Variants in STAU2 observed in about 807,000 individuals in gnomAD.
STAU2 encodes double-stranded RNA-binding protein Staufen homolog 2.
A neutral mutation model predicts 65.9 loss-of-function variants in STAU2; 20 were observed. That is an observed-to-expected ratio of 0.30 (90% CI 0.21 to 0.44). STAU2 has a LOEUF of 0.44. Ranked by LOEUF, STAU2 falls within the 20% of genes least tolerant of loss-of-function variation. The pLI, the probability that STAU2 is intolerant of heterozygous loss-of-function variation, is 1.00. For synonymous variants in STAU2, 232 were observed against 233.9 expected, an observed-to-expected ratio of 0.99 and a Z score of 0.07; for missense variants, 558 against 683.9, an observed-to-expected ratio of 0.82 and a Z score of 2.05.
intron 12 of STAU2, among the ~76,000 whole-genome samples, chr8:73,574,728 T>A (rs1383753470): frequency 1.3e-5 from 2 of 151,770 alleles, no homozygotes; most frequent in Non-Finnish European, 2.9e-5. Flanking sequence ...GGACACAGGG[T>A]GAGGAACATC....
At chr8:73,665,361 A>G (rs964137484) in intron 6 of STAU2, among the ~76,000 whole-genome samples, 1 of 152,236 alleles carries the variant, frequency 6.6e-6, no homozygotes, top group Non-Finnish European at 1.5e-5. Context: ...AGAAAAGAAT[A>G]TATTCCCCAA....
chr8:73,596,101 A>G (rs1333924294), intron 10 of STAU2, among the ~76,000 whole-genome samples: 1 of 151,536 alleles, frequency 6.6e-6, no homozygotes, highest in Non-Finnish European at 1.5e-5. Flanking sequence ...CCACAGAGCA[A>G]TACTCCATCT....
At chr8:73,492,511 G>T (rs1321118060) in intron 13 of STAU2, among the ~76,000 whole-genome samples, 1 of 151,746 alleles carries the variant, frequency 6.6e-6, no homozygotes, top group Non-Finnish European at 1.5e-5. Context: ...CTTTCTACAT[G>T]ATTCAGAGTT....
intron 6 of STAU2, among the ~76,000 whole-genome samples, chr8:73,656,804 AC>A (rs1343518107): frequency 6.6e-6 from 1 of 152,254 alleles, no homozygotes; most frequent in African/African-American, 2.4e-5. Context: ...TCAGGCTTAA[AC>A]AAAAAAGATT....
rs1425264074 is a variant in STAU2 at position 73,462,254 on chromosome 8, AT to A, written c.1531-39553del. Reference sequence around the variant, plus strand: ...GCCACCACGCCCAGCTAATTTTTGTATTTTTTTTTCTTTTTTTTTAATAGAG... The same window carrying A: ...GCCACCACGCCCAGCTAATTTTTGTATTTTTTTTCTTTTTTTTTAATAGAG... On this transcript the variant is annotated intron_variant, in intron 13 of 14. Transcript: ENST00000524300. Among the ~76,000 whole-genome samples the A allele has an allele frequency of 1.5e-3, 227 of 148,054 alleles. 1 individual carries two copies. The highest frequency in any genetic ancestry group is 4.5e-3 in the African/African-American group (182 of 40,144).
intron 1 of STAU2, among the ~76,000 whole-genome samples, chr8:73,741,327 T>C (rs1486678719): frequency 7.4e-6 from 1 of 135,742 alleles, no homozygotes; most frequent in Non-Finnish European, 1.6e-5. Context: ...ATTAACATTA[T>C]TAAGCATTCA....
Position 73,701,693 on chromosome 8 carries a change from A to G in STAU2, c.114+7339T>C, listed in dbSNP as rs536759280. On this transcript the variant is annotated intron_variant, in intron 4 of 14. Coordinates refer to ENST00000524300, the MANE Select transcript of STAU2 (RefSeq NM_001164380.2). ...TTGGAGGTTCCTCAAAAAACTAAAAATAGAACTACCATGCAATCCAGCAAT... is the reference window on the plus strand; with the variant it reads ...TTGGAGGTTCCTCAAAAAACTAAAAGTAGAACTACCATGCAATCCAGCAAT... Among the ~76,000 whole-genome samples, 57 of 152,282 alleles carry G rather than the reference A, an allele frequency of 3.7e-4. 1 individual carries two copies. The South Asian group carries it at 7.0e-3, about 19-fold the overall frequency.
chr8:73,626,585 G>C (rs1267174850), intron 6 of STAU2, among the ~76,000 whole-genome samples: 1 of 152,156 alleles, frequency 6.6e-6, no homozygotes, highest in Non-Finnish European at 1.5e-5. Context: ...AAAAATAGGA[G>C]ACTGAACTGC....
chr8:73,588,378 GA>G (rs1414916729), intron 11 of STAU2, among the ~76,000 whole-genome samples: 2 of 152,196 alleles, frequency 1.3e-5, no homozygotes, highest in Non-Finnish European at 2.9e-5. Flanking sequence ...TGATAGTTTA[GA>G]AAAACTGGGA....
Position 73,442,845 on chromosome 8 carries a change from G to C in STAU2, c.1531-20143C>G, listed in dbSNP as rs551227218. Among the ~76,000 whole-genome samples the C allele has an allele frequency of 4.9e-4, 75 of 152,098 alleles. 1 individual carries two copies. Among genetic ancestry groups the C allele is most frequent in the Non-Finnish European group, 3.4e-4 (23 of 68,014 alleles). On this transcript the variant is annotated intron_variant, in intron 13 of 14. Transcript: ENST00000524300. ...AGACAGAGAATTTTTTAAAATTTTTGCCTGAGGGTACATTCCCTTTCAAAA... is the reference window on the plus strand; with the variant it reads ...AGACAGAGAATTTTTTAAAATTTTTCCCTGAGGGTACATTCCCTTTCAAAA...
rs571719415 is a variant in STAU2, at chr8:73,691,355, G to A, written c.115-2542C>T. Among the ~76,000 whole-genome samples the A allele has an allele frequency of 3.3e-5, 5 of 152,094 alleles. No individual in the cohort carries two copies. The South Asian group carries it at 6.2e-4, about 19-fold the overall frequency. The stretch of plus-strand genomic sequence containing the variant: ...CTTATTTAACATCTCATAACTCTTC[G>A]TTGTAATTTATATTGTCACCTCCTT... On this transcript the variant is annotated intron_variant, in intron 4 of 14. Coordinates refer to ENST00000524300, the MANE Select transcript of STAU2 (RefSeq NM_001164380.2).
At chr8:73,746,887 C>T, upstream of STAU2, 1 of 1,152,568 alleles carries the variant, frequency 8.7e-7, no homozygotes, top group Middle Eastern at 3.1e-4. Flanking sequence ...GCTCCCCGCC[C>T]CCCGCCTCCG....
intron 6 of STAU2, among the ~76,000 whole-genome samples, chr8:73,669,637 T>TTC (rs34037884): frequency 0.054 from 7,658 of 141,224 alleles, 454 homozygotes; most frequent in African/African-American, 0.16. Context: ...GAGCCTGGAA[T>TTC]TCTCTCTCTC....
At chr8:73,618,965 G>T (rs1339686772) in intron 6 of STAU2, among the ~76,000 whole-genome samples, 1 of 152,104 alleles carries the variant, frequency 6.6e-6, no homozygotes, top group Non-Finnish European at 1.5e-5. Context: ...GGGTTTGCTG[G>T]GGGTGGATTT....
At chr8:73,521,866 T>C (rs1183587627) in intron 13 of STAU2, among the ~76,000 whole-genome samples, 2 of 152,232 alleles carry the variant, frequency 1.3e-5, no homozygotes, top group African/African-American at 4.8e-5. Context: ...TATGCAGTCA[T>C]TTACTCTATG....
chr8:73,584,315 G>A (rs375554489), intron 11 of STAU2, among the ~76,000 whole-genome samples: 1 of 152,100 alleles, frequency 6.6e-6, no homozygotes, highest in Non-Finnish European at 1.5e-5. Context: ...GCTAACACAG[G>A]CATCCTTCAC....
At chr8:73,672,640 A>G (rs900603218) in intron 6 of STAU2, among the ~76,000 whole-genome samples, 2 of 152,192 alleles carry the variant, frequency 1.3e-5, no homozygotes, top group Admixed American at 6.5e-5. Flanking sequence ...AAAGTACATG[A>G]AAATATAAAA....
intron 13 of STAU2, among the ~76,000 whole-genome samples, chr8:73,470,556 G>A (rs1270423707): frequency 6.6e-6 from 1 of 152,182 alleles, no homozygotes; most frequent in Non-Finnish European, 1.5e-5. Context: ...CCAACAATTT[G>A]GGAGGCCTAG....
At chr8:73,453,482 C>T (rs1023016472) in intron 13 of STAU2, among the ~76,000 whole-genome samples, 1 of 152,202 alleles carries the variant, frequency 6.6e-6, no homozygotes, top group African/African-American at 2.4e-5. Context: ...TTACACTCTA[C>T]ATGGACACTG....
Sources: gnomAD v4.1 joint callset for allele counts (sites outside exome capture counted in the v4.1 genomes callset) on GRCh38, gnomAD v4.1.1 for gene constraint, MANE v1.5 for transcripts, NCBI Gene and HGNC (gene_info 2026-07-23, HGNC 2026-07-21) for gene names.